HS3ST5: variants seen among roughly 807,000 people sequenced by gnomAD.
HS3ST5 encodes heparan sulfate-glucosamine 3-sulfotransferase 5.
In HS3ST5, 10 loss-of-function variants were observed where a neutral mutation model predicts 25.4. The ratio of observed to expected loss-of-function variants is 0.39; its 90% CI spans 0.24 to 0.67. The LOEUF (loss-of-function observed/expected upper bound fraction) is 0.67, where lower values mean the gene tolerates loss of function less well. Among genes scored for constraint, HS3ST5 ranks in the 30% least tolerant of loss-of-function variants. The pLI is 0.44. For synonymous variants in HS3ST5, 170 were observed against 162.4 expected (o/e 1.05, Z -0.36); for missense variants, 324 against 420.7 (o/e 0.77, Z 2.01).
intron 1 of HS3ST5, 133 bp downstream of exon 1, chr6:114,342,062 A>ACCC (rs954808128): frequency 5.9e-5 from 9 of 152,368 alleles, no homozygotes; most frequent in African/African-American, 2.2e-4. Flanking sequence ...GGAGAACCGA[A>ACCC]CCCCACAAAG....
At chr6:114,318,609 A>G (rs1173680441) in intron 1 of HS3ST5, among the ~76,000 whole-genome samples, 1 of 152,108 alleles carries the variant, frequency 6.6e-6, no homozygotes, top group African/African-American at 2.4e-5. Flanking sequence ...TTTATAATTA[A>G]CTGAGTCCTA....
intron 1 of HS3ST5, among the ~76,000 whole-genome samples, chr6:114,240,509 T>C (rs1192539123): frequency 6.6e-6 from 1 of 152,118 alleles, no homozygotes; most frequent in Non-Finnish European, 1.5e-5. Flanking sequence ...AAAATATTAT[T>C]TGGAAAAGTT....
chr6:114,156,182 A>G (rs991292926), intron 3 of HS3ST5, among the ~76,000 whole-genome samples: 1 of 152,134 alleles, frequency 6.6e-6, no homozygotes, highest in African/African-American at 2.4e-5. Context: ...ATCCCTCTAC[A>G]CTAAGCTTCC....
intron 3 of HS3ST5, among the ~76,000 whole-genome samples, chr6:114,108,929 G>A (rs1168183350): frequency 1.5e-4 from 23 of 152,202 alleles, no homozygotes; most frequent in African/African-American, 5.3e-4. Flanking sequence ...TTGGGAGACT[G>A]AGGCTGGTGG....
At chr6:114,296,955 AG>A (rs1774850211) in intron 1 of HS3ST5, among the ~76,000 whole-genome samples, 1 of 152,182 alleles carries the variant, frequency 6.6e-6, no homozygotes, top group African/African-American at 2.4e-5. Flanking sequence ...GAAAGTTGAA[AG>A]GGGGTCTTGC....
chr6:114,162,892 C>T lies in HS3ST5; in HGVS notation c.-33+5459G>A, dbSNP rs11970315. The stretch of plus-strand genomic sequence containing the variant: ...GATTTATTTCACAGTTGCAATATTA[C>T]GTAACTTTGGCTTTTGTTACTTAAT... On this transcript the variant is annotated intron_variant, in intron 3 of 4. Coordinates refer to ENST00000312719, the MANE Select transcript of HS3ST5 (RefSeq NM_153612.4). 4.6e-3 allele frequency among the ~76,000 whole-genome samples: 703 copies of T among 152,178 alleles called. 8 individuals carry two copies. Among genetic ancestry groups the T allele is most frequent in the African/African-American group, 0.016 (665 of 41,532 alleles).
chr6:114,220,735 G>C (rs1230516141), intron 2 of HS3ST5: 1 of 151,898 alleles, frequency 6.6e-6, no homozygotes, highest in Admixed American at 6.6e-5. Context: ...ACCCTGCTTA[G>C]CTTCTGAGAT....
chr6:114,236,617 T>G (rs542197447), intron 1 of HS3ST5, among the ~76,000 whole-genome samples: 2 of 152,326 alleles, frequency 1.3e-5, no homozygotes, highest in Non-Finnish European at 2.9e-5. Flanking sequence ...TAAAGCATGA[T>G]GATGATCACT....
chr6:114,117,768 C>T (rs749998627), intron 3 of HS3ST5, among the ~76,000 whole-genome samples: 19 of 152,166 alleles, frequency 1.2e-4, no homozygotes, highest in African/African-American at 4.3e-4. Context: ...ACGTAGATTA[C>T]TGACTTAGGC....
At chr6:114,278,527 A>C (rs1246332278) in intron 1 of HS3ST5, among the ~76,000 whole-genome samples, 1 of 151,730 alleles carries the variant, frequency 6.6e-6, no homozygotes, top group African/African-American at 2.4e-5. Context: ...TTTCTAAAAT[A>C]CTGATACTTC....
intron 1 of HS3ST5, among the ~76,000 whole-genome samples, chr6:114,264,857 C>A: frequency 6.6e-6 from 1 of 152,026 alleles, no homozygotes; most frequent in East Asian, 1.9e-4. Context: ...AAGAAGTCAG[C>A]AAAGAATACA....
At chr6:114,157,438 G>T (rs1166575864) in intron 3 of HS3ST5, among the ~76,000 whole-genome samples, 2 of 152,044 alleles carry the variant, frequency 1.3e-5, no homozygotes, top group African/African-American at 4.8e-5. Context: ...GTTGCAGGGG[G>T]ATGGAAAGAT....
intron 1 of HS3ST5, among the ~76,000 whole-genome samples, chr6:114,298,019 C>A (rs1471104366): frequency 6.6e-6 from 1 of 152,212 alleles, no homozygotes; most frequent in Non-Finnish European, 1.5e-5. Context: ...CCTGCTGTGA[C>A]TGCCATGAAT....
chr6:114,063,698 G>A (rs79690392), intron 3 of HS3ST5, among the ~76,000 whole-genome samples: 1,861 of 152,214 alleles, frequency 0.012, 36 homozygotes, highest in African/African-American at 0.043. Flanking sequence ...TAGAAGAAGG[G>A]GGTGAAATCG....
chr6:114,186,509 A>G (rs549197714), intron 2 of HS3ST5, among the ~76,000 whole-genome samples: 14 of 152,290 alleles, frequency 9.2e-5, no homozygotes, highest in Non-Finnish European at 1.5e-4. Flanking sequence ...GAAGGCTGAG[A>G]GACGTGAAGA....
chr6:114,238,280 A>T (rs753585682), intron 1 of HS3ST5, among the ~76,000 whole-genome samples: 6 of 152,228 alleles, frequency 3.9e-5, no homozygotes, highest in African/African-American at 1.2e-4. Context: ...AGAAAGGTCC[A>T]GAAATTGCTC....
At chr6:114,197,045 A>C (rs1442212167) in intron 2 of HS3ST5, among the ~76,000 whole-genome samples, 1 of 152,168 alleles carries the variant, frequency 6.6e-6, no homozygotes, top group Non-Finnish European at 1.5e-5. Context: ...GGCTCCAACC[A>C]GTTGGTCAAG....
chr6:114,285,084 T>C (rs904710107), intron 1 of HS3ST5, among the ~76,000 whole-genome samples: 1 of 152,050 alleles, frequency 6.6e-6, no homozygotes, highest in Non-Finnish European at 1.5e-5. Flanking sequence ...TCCAAAAGAA[T>C]TGAAATCAGG....
chr6:114,206,579 T>C (rs1284563266), intron 2 of HS3ST5, among the ~76,000 whole-genome samples: 1 of 152,102 alleles, frequency 6.6e-6, no homozygotes, highest in Non-Finnish European at 1.5e-5. Context: ...CACATAACAC[T>C]CTAAGCCTGA....
Sources: gnomAD v4.1 joint callset for allele counts (sites outside exome capture counted in the v4.1 genomes callset) on GRCh38, gnomAD v4.1.1 for gene constraint, MANE v1.5 for transcripts, NCBI Gene and HGNC (gene_info 2026-07-23, HGNC 2026-07-21) for gene names.